DSCAML1: variants seen among roughly 807,000 people sequenced by gnomAD.
DSCAML1 encodes DS cell adhesion molecule like 1, also known as cell adhesion molecule DSCAML1.
DSCAML1 carries 38 observed loss-of-function variants against 200.5 expected under a neutral mutation model. The ratio of observed to expected loss-of-function variants is 0.19; its 90% CI spans 0.15 to 0.25. DSCAML1 has a LOEUF of 0.25. DSCAML1 is among the 10% of genes least tolerant of loss of function. DSCAML1 has a pLI of 1.00. For missense variants in DSCAML1, 2,223 were observed against 2,858.8 expected (o/e 0.78, Z 5.07); for synonymous variants, 1,215 against 1,165.0 (o/e 1.04, Z -0.87).
At chr11:117,779,433 C>T (rs1394805459) in intron 2 of DSCAML1, among the ~76,000 whole-genome samples, 4 of 152,058 alleles carry the variant, frequency 2.6e-5, no homozygotes, top group Admixed American at 2.0e-4. Context: ...TTGCCTCCAC[C>T]TACTCTTCCA....
At position 117,732,898 on chromosome 11, in the gene DSCAML1, A is replaced by C. The variant is rs569813360; in HGVS notation, c.511+43893T>G. 3.1e-4 allele frequency among the ~76,000 whole-genome samples: 47 copies of C among 152,286 alleles called. 2 individuals carry two copies. The South Asian group carries it at 9.5e-3, about 31-fold the overall frequency. On this transcript the variant is annotated intron_variant, in intron 3 of 32. Transcript: ENST00000651296. Reference sequence around the variant, plus strand: ...AGATCCTACGAACGTCGGTATGATAATAACAAAAAAAAATTATATGCTTGA... The same window carrying C: ...AGATCCTACGAACGTCGGTATGATACTAACAAAAAAAAATTATATGCTTGA...
At position 117,713,124 on chromosome 11, in the gene DSCAML1, G is replaced by C. The variant is rs541888169; in HGVS notation, c.511+63667C>G. 5.3e-5 allele frequency among the ~76,000 whole-genome samples: 8 copies of C among 151,902 alleles called. No homozygotes were observed. The South Asian group carries it at 1.7e-3, about 32-fold the overall frequency. On this transcript the variant is annotated intron_variant, in intron 3 of 32. Transcript: ENST00000651296. ...CCTCCATTCCCAATGCCGTTTTTTG[G>C]GAGACTCTGTCTCCCAGGCTAGAAT...
At chr11:117,753,305 T>C (rs147914547) in intron 3 of DSCAML1, among the ~76,000 whole-genome samples, 3 of 152,278 alleles carry the variant, frequency 2.0e-5, no homozygotes, top group Non-Finnish European at 2.9e-5. Context: ...AAAGAGGTGG[T>C]GTGAAAACAG....
At chr11:117,535,706 C>T (rs978065718) in intron 3 of DSCAML1, among the ~76,000 whole-genome samples, 46 of 152,108 alleles carry the variant, frequency 3.0e-4, no homozygotes, top group Admixed American at 1.1e-3. Flanking sequence ...TACTGGAGGG[C>T]GTTGCTGCCA....
intron 3 of DSCAML1, among the ~76,000 whole-genome samples, chr11:117,682,255 C>T (rs558960147): frequency 3.8e-4 from 58 of 152,282 alleles, no homozygotes; most frequent in African/African-American, 1.3e-3. Flanking sequence ...TGAGGCCACC[C>T]GTCTGGCCTC....
intron 19 of DSCAML1, among the ~76,000 whole-genome samples, chr11:117,457,923 T>C (rs558582): frequency 0.67 from 101,462 of 152,190 alleles, 35,643 homozygotes; most frequent in East Asian, 0.91. Flanking sequence ...GTGCCAGTCG[T>C]TTGTCACACC....
At chr11:117,471,028 A>G (rs2048675032) in intron 15 of DSCAML1, among the ~76,000 whole-genome samples, 1 of 152,222 alleles carries the variant, frequency 6.6e-6, no homozygotes, top group Non-Finnish European at 1.5e-5. Flanking sequence ...TGATTACTTC[A>G]AGAGGAGGGG....
chr11:117,711,252 C>T (rs2053844067), intron 3 of DSCAML1, among the ~76,000 whole-genome samples: 2 of 152,156 alleles, frequency 1.3e-5, no homozygotes, highest in Admixed American at 6.5e-5. Flanking sequence ...AGCTTTTTTC[C>T]ACCTTCCATT....
chr11:117,524,435 C>G (rs946741342), intron 5 of DSCAML1, among the ~76,000 whole-genome samples: 2 of 152,244 alleles, frequency 1.3e-5, no homozygotes, highest in African/African-American at 2.4e-5. Flanking sequence ...CCCTACAAGC[C>G]CGGAAGCCCT....
At chr11:117,626,427 C>T (rs1428715121) in intron 3 of DSCAML1, among the ~76,000 whole-genome samples, 2 of 152,162 alleles carry the variant, frequency 1.3e-5, no homozygotes, top group Non-Finnish European at 2.9e-5. Context: ...TGCTCCACTC[C>T]TCTTAATCCA....
At chr11:117,601,362 G>A (rs1196380984) in intron 3 of DSCAML1, among the ~76,000 whole-genome samples, 2 of 152,168 alleles carry the variant, frequency 1.3e-5, no homozygotes, top group African/African-American at 4.8e-5. Flanking sequence ...TGTTGAGGAG[G>A]GGACAAAGAC....
intron 8 of DSCAML1, among the ~76,000 whole-genome samples, chr11:117,515,914 G>A (rs1054967268): frequency 1.3e-5 from 2 of 152,046 alleles, no homozygotes; most frequent in Non-Finnish European, 2.9e-5. Context: ...CACTGTGCCC[G>A]GCCTGAGGGA....
rs60722714 is a variant in DSCAML1, at chr11:117,648,318, C to A, written c.512-115796G>T. Among the ~76,000 whole-genome samples the A allele has an allele frequency of 8.1e-3, 1,233 of 152,306 alleles. 23 individuals are homozygous for A. The highest frequency in any genetic ancestry group is 0.08 in the East Asian group (412 of 5,180). On this transcript the variant is annotated intron_variant, in intron 3 of 32. Transcript: ENST00000651296. Reference sequence around the variant, plus strand: ...TGCTCCTGGGTCTCCCCAGCAGGGGCCGGCTCAAGGTTGAGTTGTAACAAT... The same window carrying A: ...TGCTCCTGGGTCTCCCCAGCAGGGGACGGCTCAAGGTTGAGTTGTAACAAT...
intron 4 of DSCAML1, among the ~76,000 whole-genome samples, chr11:117,525,790 G>T (rs11603366): frequency 0.23 from 35,735 of 152,090 alleles, 4,419 homozygotes; most frequent in East Asian, 0.35. Context: ...AGGCTGTAGA[G>T]CAGTGATGTG....
intron 3 of DSCAML1, among the ~76,000 whole-genome samples, chr11:117,649,003 A>G (rs1193402710): frequency 6.9e-6 from 1 of 144,556 alleles, no homozygotes; most frequent in Admixed American, 6.9e-5. Flanking sequence ...TGCTTTACTT[A>G]TCTCTCTCTC....
At chr11:117,647,938 C>T (rs1438410065) in intron 3 of DSCAML1, among the ~76,000 whole-genome samples, 7 of 152,148 alleles carry the variant, frequency 4.6e-5, no homozygotes, top group African/African-American at 7.2e-5. Context: ...CACGTCCCGC[C>T]GGCACGATGG....
Position 117,776,913 on chromosome 11 carries a change from C to T in DSCAML1, c.389G>A (p.Arg130Gln), listed in dbSNP as rs200741921. ...ACGCATTGACCTTTGATCCTCCACC[C>T]GGACGGTGTAGGGTTCCCTGAAAAC... is the stretch of plus-strand genomic sequence containing the variant. ...KAVFREPYTV[R>Q]VEDQRSMRGN... Residue 130 changes from arginine to glutamine, a missense_variant, in exon 3 of 33, where the codon CGG (arginine) becomes CAG (glutamine). Coordinates refer to ENST00000651296, the MANE Select transcript of DSCAML1 (RefSeq NM_020693.4). 103 of 1,614,050 alleles carry T rather than the reference C, an allele frequency of 6.4e-5. 1 individual carries two copies. The Admixed American group carries it at 8.7e-4, about 14-fold the overall frequency.
At chr11:117,609,057 G>C (rs1031322760) in intron 3 of DSCAML1, among the ~76,000 whole-genome samples, 1 of 151,738 alleles carries the variant, frequency 6.6e-6, no homozygotes, top group Non-Finnish European at 1.5e-5. Flanking sequence ...AAATTGTCTG[G>C]GCATGGTGTT....
chr11:117,780,860 A>G lies in DSCAML1; in HGVS notation c.47-50T>C, dbSNP rs1465456088. The G allele has an allele frequency of 7.3e-7, 1 of 1,367,418 alleles. No individual in the cohort carries two copies. Among genetic ancestry groups the G allele is most frequent in the African/African-American group, 1.5e-5 (1 of 67,528 alleles). 84.7% of individuals were successfully genotyped at this position (1,367,418 alleles called of 1,614,324 possible). A position where few individuals can be genotyped will look rare whatever the true frequency, so the allele number is the denominator to read the frequency against. ...CTTGGTTAGCATGGGCTCTAACAAT[A>G]CCCATATAAGCCACGGAGGCTTGCG... On this transcript the variant is annotated intron_variant, in intron 1 of 32. Transcript: ENST00000651296. The surrounding 1 kb of genome is among the most constrained non-coding windows in gnomAD (Gnocchi z 4.8).
Sources: allele counts gnomAD v4.1 joint callset (sites outside exome capture counted in the v4.1 genomes callset), GRCh38; gene constraint gnomAD v4.1.1; non-coding constraint Gnocchi (gnomAD v3.1); transcripts MANE v1.5; gene names NCBI Gene and HGNC (gene_info 2026-07-23, HGNC 2026-07-21).